Variants in RCC1L observed in about 807,000 individuals in gnomAD.
RCC1L encodes RCC1 like, also known as RCC1-like G exchanging factor-like protein.
In RCC1L, 46 loss-of-function variants were observed where a neutral mutation model predicts 58.6. The observed-to-expected ratio is 0.79, with a 90% CI of 0.62 to 1.00. The LOEUF is 1.00. Among genes scored for constraint, RCC1L ranks in the 50% least tolerant of loss-of-function variants. The probability of loss-of-function intolerance (pLI) is 0.00; values close to 1 mark genes in which losing one functional copy is unlikely to be tolerated. For missense variants in RCC1L, 636 were observed against 623.6 expected, an observed-to-expected ratio of 1.02 and a Z score of -0.21; for synonymous variants, 281 against 262.9, an observed-to-expected ratio of 1.07 and a Z score of -0.67.
chr7:75,037,984 G>A (rs2131971519), downstream of RCC1L, among the ~76,000 whole-genome samples: 1 of 152,324 alleles, frequency 6.6e-6, no homozygotes, highest in Admixed American at 6.5e-5. Flanking sequence ...GGAACCCTTG[G>A]TTGGTGCAGC....
intron 10 of RCC1L, among the ~76,000 whole-genome samples, chr7:75,051,611 T>C (rs112942216): frequency 0.78 from 117,903 of 151,996 alleles, 45,889 homozygotes; most frequent in East Asian, 0.89. Context: ...TGGGGTTTCA[T>C]CATGTTGGTC....
intron 4 of RCC1L, among the ~76,000 whole-genome samples, chr7:75,064,044 T>C (rs1223992151): frequency 2.0e-5 from 3 of 152,118 alleles, no homozygotes; most frequent in African/African-American, 7.2e-5. Flanking sequence ...AAATTCATCC[T>C]AAGAGGGCAG....
chr7:75,064,811 T>A, intron 3 of RCC1L, 163 bp from the exon 4 acceptor site: 1 of 764,966 alleles, frequency 1.3e-6, no homozygotes, highest in South Asian at 1.4e-5. Flanking sequence ...CTGCAGAAAC[T>A]CACAAGGGGC....
At chr7:75,052,013 T>A (rs1252437380) in intron 10 of RCC1L, among the ~76,000 whole-genome samples, 1 of 152,164 alleles carries the variant, frequency 6.6e-6, no homozygotes, top group Non-Finnish European at 1.5e-5. Flanking sequence ...CCTCCTTTTT[T>A]AGAATGCCTT....
At chr7:75,052,127 A>G (rs1179463606) in intron 10 of RCC1L, among the ~76,000 whole-genome samples, 3 of 152,050 alleles carry the variant, frequency 2.0e-5, no homozygotes, top group Non-Finnish European at 4.4e-5. Context: ...ATTGCATACT[A>G]CCGCCCCTAA....
In RCC1L at chr7:75,051,260, GTATA is replaced by G. The variant is rs1160009410; in HGVS notation, c.1317+1447_1317+1450del. On this transcript the variant is annotated intron_variant, in intron 10 of 10. Coordinates refer to ENST00000610322, the MANE Select transcript of RCC1L (RefSeq NM_030798.5). Reference sequence around the variant, plus strand: ...TGTATATATATTTATATGTGTGTGTGTATATATACACACATATATACACACACAT... The same window carrying G: ...TGTATATATATTTATATGTGTGTGTGTATACACACATATATACACACACAT... Among the ~76,000 whole-genome samples the G allele has an allele frequency of 6.2e-5, 9 of 144,424 alleles. No individual in the cohort carries two copies. The Admixed American group carries it at 6.3e-4, about 10-fold the overall frequency. 94.7% of individuals were successfully genotyped at this position (144,424 alleles called of 152,430 possible). A position where few individuals can be genotyped will look rare whatever the true frequency, so the allele number is the denominator to read the frequency against.
intron 1 of RCC1L, among the ~76,000 whole-genome samples, chr7:75,072,359 TTTTTGTTATTGC>T (rs1414567934): frequency 6.6e-6 from 1 of 150,784 alleles, no homozygotes; most frequent in Non-Finnish European, 1.5e-5. Flanking sequence ...TGTTGTTTAG[TTTTTGTTATTGC>T]TTTTGTTATT....
intron 10 of RCC1L, among the ~76,000 whole-genome samples, chr7:75,031,692 A>G (rs1253896139): frequency 2.0e-5 from 3 of 152,096 alleles, no homozygotes; most frequent in Non-Finnish European, 2.9e-5. Context: ...GAGGGGTTGT[A>G]TTAGTTACCT....
At chr7:75,060,889 C>T (rs895270050) in intron 6 of RCC1L, among the ~76,000 whole-genome samples, 1 of 151,886 alleles carries the variant, frequency 6.6e-6, no homozygotes, top group Non-Finnish European at 1.5e-5. Flanking sequence ...CAAGACCAGC[C>T]TGGGCAACAT....
At chr7:75,063,644 C>T (rs929142690) in intron 4 of RCC1L, among the ~76,000 whole-genome samples, 36 of 152,192 alleles carry the variant, frequency 2.4e-4, no homozygotes, top group Admixed American at 4.6e-4. Context: ...ACTCACCGGG[C>T]GCGGTGGGTC....
At chr7:75,032,778 A>G (rs886381398) in intron 10 of RCC1L, among the ~76,000 whole-genome samples, 1 of 152,140 alleles carries the variant, frequency 6.6e-6, no homozygotes, top group Non-Finnish European at 1.5e-5. Context: ...CCTTCAGATA[A>G]TACCACAGGA....
At position 75,052,799 on chromosome 7, in the gene RCC1L, G is replaced by T; in HGVS notation, c.1232-3C>A. The T allele has an allele frequency of 6.2e-7, 1 of 1,611,940 alleles. No individual in the cohort carries two copies. ...CCATACAAACAGCTCTCCTTTGTCT[G>T]CAAAGGGAGGAAAACAGGGGTTGGT... On this transcript the variant is annotated splice_polypyrimidine_tract_variant and splice_region_variant and intron_variant, in intron 9 of 10. Transcript: ENST00000610322.
At chr7:75,063,644 C>G (rs929142690) in intron 4 of RCC1L, among the ~76,000 whole-genome samples, 1 of 152,194 alleles carries the variant, frequency 6.6e-6, no homozygotes, top group South Asian at 2.1e-4. Flanking sequence ...ACTCACCGGG[C>G]GCGGTGGGTC....
In RCC1L at chr7:75,073,670, C is replaced by T; in HGVS notation, c.68G>A (p.Arg23Gln). The T allele has an allele frequency of 1.3e-6, 2 of 1,486,674 alleles. No individual in the cohort carries two copies. Among genetic ancestry groups the T allele is most frequent in the Non-Finnish European group, 1.8e-6 (2 of 1,126,374 alleles). The allele number at this position is 1,486,674 out of a possible 1,614,324, so 92.1% of individuals were successfully genotyped here. ...GRRLSGPGLG[R>Q]GHWTAAGRSR... Reference sequence around the variant, plus strand: ...GCGCCCGGCCGCCGTCCAGTGCCCTCGCCCCAGCCCCGGCCCGCTCAGCCG... The same window carrying T: ...GCGCCCGGCCGCCGTCCAGTGCCCTTGCCCCAGCCCCGGCCCGCTCAGCCG... Residue 23 changes from arginine (R) to glutamine (Q), a missense_variant, in exon 1 of 11, where the codon CGA becomes CAA. Coordinates refer to ENST00000610322, the MANE Select transcript of RCC1L (RefSeq NM_030798.5).
chr7:75,042,594 C>A lies in RCC1L; in HGVS notation c.*438G>T. 1 of 1,005,598 alleles carries A rather than the reference C, an allele frequency of 9.9e-7. No individual in the cohort carries two copies. Among genetic ancestry groups the A allele is most frequent in the Non-Finnish European group, 1.2e-6 (1 of 841,480 alleles). 62.3% of individuals were successfully genotyped at this position (1,005,598 alleles called of 1,614,324 possible). On this transcript the variant is annotated 3_prime_UTR_variant, in exon 11 of 11. Coordinates refer to ENST00000610322, the MANE Select transcript of RCC1L (RefSeq NM_030798.5). ...GCCGAAGCCAGCCTGACTCCCTCGC[C>A]TAAGCTGGGGCTCGGTCCGAGGCAC...
At chr7:75,058,866 C>T (rs1237234140) in intron 6 of RCC1L, 97 bp from the exon 7 acceptor site, 20 of 1,469,044 alleles carry the variant, frequency 1.4e-5, no homozygotes, top group Non-Finnish European at 1.9e-5. Flanking sequence ...AAGCACTTAA[C>T]AAGTATCAGC....
At chr7:75,056,579 G>A (rs1470085705) in intron 8 of RCC1L, 6 of 1,533,394 alleles carry the variant, frequency 3.9e-6, no homozygotes, top group Non-Finnish European at 4.4e-6. Flanking sequence ...CAAAGCTGAA[G>A]GCTGTTCTCC....
At chr7:75,042,156 T>A (rs1805586512), downstream of RCC1L, 1 of 983,560 alleles carries the variant, frequency 1.0e-6, no homozygotes, top group Non-Finnish European at 1.2e-6. Flanking sequence ...AATGATCAAG[T>A]AAGATTTAAG....
At chr7:75,027,333 TG>T (rs1314972389) in exon 11 of RCC1L, 1 of 152,678 alleles carries the variant, frequency 6.5e-6, no homozygotes, top group African/African-American at 2.4e-5. Flanking sequence ...CGCCCTTATT[TG>T]GGGGGATGTT....
Sources: allele counts gnomAD v4.1 joint callset (sites outside exome capture counted in the v4.1 genomes callset), GRCh38; gene constraint gnomAD v4.1.1; transcripts MANE v1.5; gene names NCBI Gene and HGNC (gene_info 2026-07-23, HGNC 2026-07-21).